ARHGAP18: variants seen among roughly 807,000 people sequenced by gnomAD.
ARHGAP18 encodes the protein Rho GTPase activating protein 18.
ARHGAP18 carries 67 observed loss-of-function variants against 86.2 expected under a neutral mutation model. The ratio of observed to expected loss-of-function variants is 0.78; its 90% CI spans 0.64 to 0.95. The LOEUF (loss-of-function observed/expected upper bound fraction) is 0.95, where lower values mean the gene tolerates loss of function less well. ARHGAP18 is among the 40% of genes least tolerant of loss of function. The probability of loss-of-function intolerance (pLI) is 0.00; values close to 1 mark genes in which losing one functional copy is unlikely to be tolerated. For missense variants in ARHGAP18, 691 were observed against 780.4 expected, an observed-to-expected ratio of 0.89 and a Z score of 1.37; for synonymous variants, 283 against 280.4, an observed-to-expected ratio of 1.01 and a Z score of -0.09.
chr6:129,678,883 A>G (rs1293494644), intron 1 of ARHGAP18, among the ~76,000 whole-genome samples: 2 of 152,256 alleles, frequency 1.3e-5, no homozygotes, highest in Non-Finnish European at 2.9e-5. Flanking sequence ...CATCTTAGAC[A>G]AGATACTATC....
chr6:129,654,643 C>T (rs993795857), intron 1 of ARHGAP18, among the ~76,000 whole-genome samples: 2 of 152,332 alleles, frequency 1.3e-5, no homozygotes, highest in Admixed American at 6.5e-5. Context: ...CTACAGCCAA[C>T]GCTGTCTTGG....
At chr6:129,600,502 G>A (rs1369327972) in intron 11 of ARHGAP18, 140 bp downstream of exon 11, 4 of 602,082 alleles carry the variant, frequency 6.6e-6, no homozygotes. Context: ...AAATTCACAG[G>A]GCCCTCCTTA....
At chr6:129,615,468 T>G (rs1789077163) in intron 7 of ARHGAP18, among the ~76,000 whole-genome samples, 1 of 152,228 alleles carries the variant, frequency 6.6e-6, no homozygotes, top group South Asian at 2.1e-4. Flanking sequence ...CCAAGTAGAT[T>G]GAGCCTTAGT....
intron 1 of ARHGAP18, among the ~76,000 whole-genome samples, chr6:129,684,794 T>C (rs1443647268): frequency 6.6e-6 from 1 of 152,198 alleles, no homozygotes; most frequent in Non-Finnish European, 1.5e-5. Flanking sequence ...AAGAAATTTG[T>C]CTAATAAATA....
intron 1 of ARHGAP18, among the ~76,000 whole-genome samples, chr6:129,694,613 C>G (rs949030519): frequency 6.6e-6 from 1 of 152,154 alleles, no homozygotes; most frequent in Non-Finnish European, 1.5e-5. Flanking sequence ...TGTTGGAATA[C>G]AAAACGCTTA....
chr6:129,681,171 G>A (rs755347528), intron 1 of ARHGAP18, among the ~76,000 whole-genome samples: 3 of 152,098 alleles, frequency 2.0e-5, no homozygotes, highest in Admixed American at 6.5e-5. Flanking sequence ...TCCACCTCCC[G>A]AGTTCAAGTG....
intron 1 of ARHGAP18, chr6:129,661,972 CCA>C (rs5879958): frequency 0.16 from 138,250 of 839,140 alleles, 7,035 homozygotes; most frequent in African/African-American, 0.34. Context: ...CCTGGTGTTG[CCA>C]CACACACACA....
At chr6:129,626,863 T>C (rs1459583588) in intron 5 of ARHGAP18, among the ~76,000 whole-genome samples, 2 of 152,110 alleles carry the variant, frequency 1.3e-5, no homozygotes, top group Admixed American at 6.6e-5. Context: ...TCCTGAGAAC[T>C]ACAATTCACA....
At chr6:129,676,918 T>C in intron 1 of ARHGAP18, among the ~76,000 whole-genome samples, 1 of 19,664 alleles carries the variant, frequency 5.1e-5, no homozygotes, top group African/African-American at 2.4e-4. Flanking sequence ...TTGTCCTCTT[T>C]TTTTTTTTTT....
At chr6:129,696,713 G>C (rs1774623039) in intron 1 of ARHGAP18, among the ~76,000 whole-genome samples, 1 of 133,184 alleles carries the variant, frequency 7.5e-6, no homozygotes, top group South Asian at 2.4e-4. Flanking sequence ...AACAAAGCAA[G>C]GCTAAGAGAT....
intron 1 of ARHGAP18, among the ~76,000 whole-genome samples, chr6:129,648,851 G>C (rs977358278): frequency 3.9e-5 from 6 of 152,216 alleles, no homozygotes; most frequent in Middle Eastern, 6.8e-3. Flanking sequence ...CTGTGTAATG[G>C]CCTTGTCCAT....
rs139795779 is a variant in ARHGAP18, at chr6:129,685,417, G to A, written c.113+24607C>T. On this transcript the variant is annotated intron_variant, in intron 1 of 14. Coordinates refer to ENST00000368149, the MANE Select transcript of ARHGAP18 (RefSeq NM_033515.3). ...AGCTACTTGGGAGGCTGAGCTAGGA[G>A]AATCACTTAAACCTGGGAGCCAGGG... Among the ~76,000 whole-genome samples the A allele has an allele frequency of 3.5e-3, 530 of 152,082 alleles. 1 individual carries two copies. Among genetic ancestry groups the A allele is most frequent in the African/African-American group, 0.012 (510 of 41,474 alleles).
Position 129,600,694 on chromosome 6 carries a change from C to T in ARHGAP18, c.1520G>A (p.Gly507Glu). Reference sequence around the variant, plus strand: ...CAATAAGTGCATGGTATTTGCTGTCCCAGCTGCCATTACAAATTCTCGCTG... The same window carrying T: ...CAATAAGTGCATGGTATTTGCTGTCTCAGCTGCCATTACAAATTCTCGCTG... ...SEQREFVMAAGTANTMHLLIK... is the reference protein window; with the variant it reads ...SEQREFVMAAETANTMHLLIK... The change falls in exon 11 of 15, where the codon GGG (glycine) becomes GAG (glutamate). Residue 507 changes from glycine to glutamate, a missense_variant. By Grantham distance (98) the Gly-to-Glu change is moderately conservative. Coordinates refer to ENST00000368149, the MANE Select transcript of ARHGAP18 (RefSeq NM_033515.3). 1 of 1,613,634 alleles carries T rather than the reference C, an allele frequency of 6.2e-7. No homozygotes were observed. Among genetic ancestry groups the T allele is most frequent in the Non-Finnish European group, 8.5e-7 (1 of 1,179,774 alleles).
chr6:129,703,036 G>A (rs1018103060), intron 1 of ARHGAP18, among the ~76,000 whole-genome samples: 2 of 152,120 alleles, frequency 1.3e-5, no homozygotes, highest in Admixed American at 1.3e-4. Flanking sequence ...AGAGGCAGGA[G>A]AAAGAAGACA....
rs10688716 is a variant in ARHGAP18 at position 129,676,915 on chromosome 6, CTTTT to C, written c.113+33105_113+33108del. 3.3e-3 allele frequency among the ~76,000 whole-genome samples: 126 copies of C among 37,954 alleles called. 1 individual carries two copies. The highest frequency in any genetic ancestry group is 7.1e-3 in the African/African-American group (103 of 14,478). The allele number at this position is 37,954 out of a possible 152,430, so 24.9% of individuals were successfully genotyped here. ...AAACAGATGAAAAATTTTTTGTCCTCTTTTTTTTTTTTTTTTTTTTTTTTTTTTT... is the reference window on the plus strand; with the variant it reads ...AAACAGATGAAAAATTTTTTGTCCTCTTTTTTTTTTTTTTTTTTTTTTTTT... On this transcript the variant is annotated intron_variant, in intron 1 of 14. Coordinates refer to ENST00000368149, the MANE Select transcript of ARHGAP18 (RefSeq NM_033515.3).
At chr6:129,679,154 T>G (rs993065966) in intron 1 of ARHGAP18, among the ~76,000 whole-genome samples, 3 of 151,914 alleles carry the variant, frequency 2.0e-5, no homozygotes, top group Non-Finnish European at 4.4e-5. Context: ...TTAAAGTACA[T>G]TTTAAAATAA....
intron 5 of ARHGAP18, among the ~76,000 whole-genome samples, chr6:129,625,722 TTATA>T (rs1479618159): frequency 3.3e-5 from 2 of 61,508 alleles, no homozygotes; most frequent in Non-Finnish European, 5.6e-5. Flanking sequence ...TATTTATATA[TTATA>T]TATATTTATT....
rs1773164466 is a variant in ARHGAP18, at chr6:129,630,036, A to C, written c.617-514T>G. 3.9e-5 allele frequency among the ~76,000 whole-genome samples: 6 copies of C among 152,202 alleles called. No homozygotes were observed. The South Asian group carries it at 1.2e-3, about 31-fold the overall frequency. On this transcript the variant is annotated intron_variant, in intron 4 of 14. Coordinates refer to ENST00000368149, the MANE Select transcript of ARHGAP18 (RefSeq NM_033515.3). The stretch of plus-strand genomic sequence containing the variant: ...ATATTACCTACCTATCATAGTAAAA[A>C]TTCCAAAACAAGAGTTAGTGCCAAA...
intron 12 of ARHGAP18, among the ~76,000 whole-genome samples, chr6:129,591,323 T>C (rs1397138164): frequency 6.6e-6 from 1 of 152,136 alleles, no homozygotes; most frequent in Non-Finnish European, 1.5e-5. Flanking sequence ...TGTCACTCTG[T>C]CTCCTGCTTT....
Sources: gnomAD v4.1 joint callset for allele counts (sites outside exome capture counted in the v4.1 genomes callset) on GRCh38, gnomAD v4.1.1 for gene constraint, MANE v1.5 for transcripts, NCBI Gene and HGNC (gene_info 2026-07-23, HGNC 2026-07-21) for gene names.